CACNA1I: variants seen among roughly 807,000 people sequenced by gnomAD.
CACNA1I encodes voltage-dependent T-type calcium channel subunit alpha-1I.
CACNA1I carries 74 observed loss-of-function variants against 201.6 expected under a neutral mutation model. That is an observed-to-expected ratio of 0.37 (90% confidence interval 0.30 to 0.45). The LOEUF is 0.45. Among genes scored for constraint, CACNA1I ranks in the 20% least tolerant of loss-of-function variants. The pLI is 1.00. For synonymous variants in CACNA1I, 1,431 were observed against 1,345.2 expected (o/e 1.06, Z -1.40); for missense variants, 2,346 against 3,138.1 (o/e 0.75, Z 6.03).
In CACNA1I at chr22:39,659,555, G is replaced by T. The variant is rs768666879; in HGVS notation, c.2448+5G>T. 2 of 1,606,326 alleles carry T rather than the reference G, an allele frequency of 1.2e-6. No individual in the cohort carries two copies. Among genetic ancestry groups the T allele is most frequent in the Admixed American group, 1.7e-5 (1 of 59,228 alleles). On this transcript the variant is annotated splice_donor_5th_base_variant and intron_variant, in intron 13 of 36. Coordinates refer to ENST00000402142, the MANE Select transcript of CACNA1I (RefSeq NM_021096.4). This position sits in a 1 kb window ranked among gnomAD's most constrained non-coding sequence, Gnocchi z 4.3. Reference sequence around the variant, plus strand: ...GCCATCGTCACTGTGTTCCAGGTGAGTGGCCGCTGCGTGTTCATGTTTGCT... The same window carrying T: ...GCCATCGTCACTGTGTTCCAGGTGATTGGCCGCTGCGTGTTCATGTTTGCT...
At chr22:39,642,331 T>A (rs1444929539) in intron 6 of CACNA1I, among the ~76,000 whole-genome samples, 1 of 151,616 alleles carries the variant, frequency 6.6e-6, no homozygotes, top group Non-Finnish European at 1.5e-5. Flanking sequence ...TGGGAAGGAG[T>A]TGGGGTGGGG....
rs916714324 is a variant in CACNA1I, at chr22:39,666,149, A to G, written c.4104+143A>G. The G allele has an allele frequency of 2.7e-5, 30 of 1,094,272 alleles. No individual in the cohort carries two copies. The highest frequency in any genetic ancestry group is 4.0e-5 in the Non-Finnish European group (30 of 758,224). 67.8% of individuals were successfully genotyped at this position (1,094,272 alleles called of 1,614,324 possible). A position where few individuals can be genotyped will look rare whatever the true frequency, so the allele number is the denominator to read the frequency against. On this transcript the variant is annotated intron_variant, in intron 23 of 36. Transcript: ENST00000402142. This position sits in a 1 kb window ranked among gnomAD's most constrained non-coding sequence, Gnocchi z 4.1. The stretch of plus-strand genomic sequence containing the variant: ...CCAAGCCTCAGTTTCCTCTTCTGCA[A>G]AATGGGTAAGGGTAGCACTCACCTC...
At chr22:39,572,208 G>T (rs1932207193) in intron 1 of CACNA1I, among the ~76,000 whole-genome samples, 1 of 152,184 alleles carries the variant, frequency 6.6e-6, no homozygotes, top group South Asian at 2.1e-4. Context: ...TGTGGCACTG[G>T]CTTGCAGGGT....
intron 7 of CACNA1I, among the ~76,000 whole-genome samples, chr22:39,644,301 C>G (rs186001160): frequency 3.3e-5 from 5 of 152,286 alleles, no homozygotes; most frequent in Admixed American, 3.3e-4. Flanking sequence ...TGGGGTAAAG[C>G]ACGATGCTCC....
At chr22:39,646,444 C>T (rs1292005565) in intron 7 of CACNA1I, 125 bp from the exon 8 acceptor site, 8 of 1,399,788 alleles carry the variant, frequency 5.7e-6, no homozygotes, top group Non-Finnish European at 7.6e-6. Flanking sequence ...TCCATCTCCC[C>T]ATCTCCCTCT....
chr22:39,670,989 A>G (rs1935362323), intron 26 of CACNA1I, 35 bp downstream of exon 26: 17 of 1,609,220 alleles, frequency 1.1e-5, no homozygotes, highest in Non-Finnish European at 1.4e-5. Flanking sequence ...CCAAGGTTAC[A>G]AGGTGAGGGT....
rs367561389 is a variant in CACNA1I at position 39,686,078 on chromosome 22, C to T, written c.6345C>T (p.Gly2115=). The change falls in exon 37 of 37, where the codon GGC becomes GGT. Residue 2115 remains glycine, a synonymous_variant. Coordinates refer to ENST00000402142, the MANE Select transcript of CACNA1I (RefSeq NM_021096.4). ...PSDEEGRGGA[G]GGGAGSEHSE... ...ACGAGGAGGGCCGCGGTGGCGCGGG[C>T]GGCGGGGGCGCGGGCAGCGAGCACT... 2.3e-5 allele frequency: 28 copies of T among 1,222,622 alleles called. No individual in the cohort carries two copies. In the African/African-American group the frequency reaches 3.3e-4, roughly 15 times the overall value. The allele number at this position is 1,222,622 out of a possible 1,614,324, so 75.7% of individuals were successfully genotyped here. A position where few individuals can be genotyped will look rare whatever the true frequency, so the allele number is the denominator to read the frequency against.
Position 39,670,688 on chromosome 22 carries a change from C to G in CACNA1I, c.4388-115C>G, listed in dbSNP as rs1352215492. 4.1e-6 allele frequency: 4 copies of G among 985,240 alleles called. No individual in the cohort carries two copies. The East Asian group carries it at 9.5e-5, about 23-fold the overall frequency. The allele number at this position is 985,240 out of a possible 1,614,324, so 61.0% of individuals were successfully genotyped here. Reference sequence around the variant, plus strand: ...GATCCCAGGGCCTGGGGTGGATCAACATCTTCCTCTTTGCCCCCTCCCTTT... The same window carrying G: ...GATCCCAGGGCCTGGGGTGGATCAAGATCTTCCTCTTTGCCCCCTCCCTTT... On this transcript the variant is annotated intron_variant, in intron 25 of 36. Transcript: ENST00000402142.
intron 4 of CACNA1I, among the ~76,000 whole-genome samples, chr22:39,621,652 G>A (rs1933747176): frequency 6.6e-6 from 1 of 152,178 alleles, no homozygotes; most frequent in Admixed American, 6.5e-5. Context: ...GGGGGCTGGG[G>A]TCTCAAGGTC....
At position 39,642,730 on chromosome 22, in the gene CACNA1I, C is replaced by T. The variant is rs1796118086; in HGVS notation, c.1057-67C>T. The T allele has an allele frequency of 4.7e-6, 5 of 1,073,976 alleles. No homozygotes were observed. In the Admixed American group the frequency reaches 9.9e-5, roughly 21 times the overall value. The allele number at this position is 1,073,976 out of a possible 1,614,324, so 66.5% of individuals were successfully genotyped here. On this transcript the variant is annotated intron_variant, in intron 6 of 36. Transcript: ENST00000402142. Reference sequence around the variant, plus strand: ...CACACAGTGGGGCCTCTGTCTGGGGCACTGCCTGGGCTACGGGCTTTCTGA... The same window carrying T: ...CACACAGTGGGGCCTCTGTCTGGGGTACTGCCTGGGCTACGGGCTTTCTGA...
chr22:39,649,487 C>T lies in CACNA1I; in HGVS notation c.1568-14C>T. 6.4e-7 allele frequency: 1 copy of T among 1,557,130 alleles called. No homozygotes were observed. Among genetic ancestry groups the T allele is most frequent in the Non-Finnish European group, 8.7e-7 (1 of 1,151,406 alleles). On this transcript the variant is annotated splice_polypyrimidine_tract_variant and intron_variant, in intron 9 of 36. Transcript: ENST00000402142. This position sits in a 1 kb window ranked among gnomAD's most constrained non-coding sequence, Gnocchi z 7.3. ...GTGGGCAACGACTCTATGCCCCTCT[C>T]ATTTGCTTTTCAGAGCTGTGCCCGC... is the stretch of plus-strand genomic sequence containing the variant.
chr22:39,605,154 G>C (rs571967977), intron 3 of CACNA1I, among the ~76,000 whole-genome samples: 1 of 137,080 alleles, frequency 7.3e-6, no homozygotes, highest in South Asian at 2.4e-4. Flanking sequence ...CCGAGTAACC[G>C]GCCTATTTGC....
intron 1 of CACNA1I, among the ~76,000 whole-genome samples, chr22:39,587,311 G>T (rs1170531075): frequency 6.6e-6 from 1 of 152,206 alleles, no homozygotes; most frequent in African/African-American, 2.4e-5. Flanking sequence ...CACTGAGATG[G>T]CATAGCTTAT....
At chr22:39,598,295 C>A in intron 2 of CACNA1I, 33 bp downstream of exon 2, 1 of 1,273,872 alleles carries the variant, frequency 7.9e-7, no homozygotes, top group Non-Finnish European at 1.1e-6. Context: ...CCCCGCCCTG[C>A]CCTCATCCTC....
chr22:39,631,421 G>A (rs1934058860), intron 4 of CACNA1I, among the ~76,000 whole-genome samples: 1 of 152,248 alleles, frequency 6.6e-6, no homozygotes. Context: ...GCTCCAGGCA[G>A]AAGGCCTGAA....
intron 2 of CACNA1I, among the ~76,000 whole-genome samples, chr22:39,598,550 C>T (rs1301371732): frequency 1.3e-5 from 2 of 152,010 alleles, no homozygotes; most frequent in Non-Finnish European, 2.9e-5. Context: ...CTTGAAGCCT[C>T]TACCTTAGTC....
chr22:39,617,611 C>T (rs1400867912), intron 3 of CACNA1I, among the ~76,000 whole-genome samples: 1 of 152,106 alleles, frequency 6.6e-6, no homozygotes, highest in Non-Finnish European at 1.5e-5. Context: ...CTCCATCACA[C>T]GTGTCTCCCG....
At chr22:39,647,403 G>A (rs1934524058) in intron 8 of CACNA1I, among the ~76,000 whole-genome samples, 1 of 152,174 alleles carries the variant, frequency 6.6e-6, no homozygotes, top group South Asian at 2.1e-4. Context: ...CTTGTCGTGG[G>A]GCTGTGAGAG....
At chr22:39,622,875 A>G (rs1479784981) in intron 4 of CACNA1I, among the ~76,000 whole-genome samples, 1 of 150,776 alleles carries the variant, frequency 6.6e-6, no homozygotes, top group Non-Finnish European at 1.5e-5. Flanking sequence ...GTCCTGGGGG[A>G]CGGCGGGGGC....
Sources: gnomAD v4.1 joint callset for allele counts (sites outside exome capture counted in the v4.1 genomes callset) on GRCh38, gnomAD v4.1.1 for gene constraint, Gnocchi (gnomAD v3.1) non-coding constraint, MANE v1.5 for transcripts, NCBI Gene and HGNC (gene_info 2026-07-23, HGNC 2026-07-21) for gene names.